PTPRT: variants seen among roughly 807,000 people sequenced by gnomAD.
PTPRT encodes the protein receptor-type tyrosine-protein phosphatase T.
In PTPRT, 56 loss-of-function variants were observed where a neutral mutation model predicts 176.8. The observed-to-expected ratio is 0.32, with a 90% CI of 0.26 to 0.40. The LOEUF is 0.40. Ranked by LOEUF, PTPRT falls within the 10% of genes least tolerant of loss-of-function variation. The pLI is 1.00. For synonymous variants in PTPRT, 783 were observed against 739.0 expected (o/e 1.06, Z -0.96); for missense variants, 1,540 against 1,908.2 (o/e 0.81, Z 3.60).
At chr20:43,162,662 C>A (rs561795565) in intron 1 of PTPRT, among the ~76,000 whole-genome samples, 40 of 150,414 alleles carry the variant, frequency 2.7e-4, no homozygotes, top group African/African-American at 9.2e-4. Flanking sequence ...AGGAGTCAAG[C>A]TTCCAGGATC....
intron 6 of PTPRT, among the ~76,000 whole-genome samples, chr20:42,748,976 C>G (rs1216040280): frequency 1.3e-5 from 2 of 152,162 alleles, no homozygotes; most frequent in African/African-American, 2.4e-5. Context: ...ACCTTGCACT[C>G]GGAACTCCTG....
At chr20:42,525,157 A>G (rs565033084) in intron 7 of PTPRT, among the ~76,000 whole-genome samples, 1 of 151,876 alleles carries the variant, frequency 6.6e-6, no homozygotes, top group East Asian at 1.9e-4. Flanking sequence ...TAATTTTTTA[A>G]TTTTTATTTT....
intron 2 of PTPRT, among the ~76,000 whole-genome samples, chr20:42,830,602 TAA>T (rs2078067889): frequency 2.0e-5 from 3 of 152,058 alleles, no homozygotes; most frequent in Admixed American, 2.0e-4. Flanking sequence ...GCCAAAGCAA[TAA>T]GCCAAGAGGA....
At chr20:42,531,599 T>C (rs1216237980) in intron 7 of PTPRT, among the ~76,000 whole-genome samples, 4 of 152,202 alleles carry the variant, frequency 2.6e-5, no homozygotes, top group Non-Finnish European at 4.4e-5. Context: ...TTTTGGGGTA[T>C]AGCCAACCTT....
chr20:42,891,793 T>C (rs2079197172), intron 1 of PTPRT, among the ~76,000 whole-genome samples: 1 of 152,238 alleles, frequency 6.6e-6, no homozygotes, highest in South Asian at 2.1e-4. Flanking sequence ...ATTTGAACTA[T>C]GTAGGTGTAT....
chr20:43,045,627 C>CTA (rs1555822908), intron 1 of PTPRT, among the ~76,000 whole-genome samples: 5 of 121,546 alleles, frequency 4.1e-5, no homozygotes, highest in African/African-American at 2.2e-4. Flanking sequence ...GCTAATTTTT[C>CTA]TATTTTTTTT....
intron 1 of PTPRT, among the ~76,000 whole-genome samples, chr20:43,056,237 A>G (rs1341298658): frequency 2.0e-5 from 3 of 152,202 alleles, no homozygotes; most frequent in Non-Finnish European, 4.4e-5. Context: ...CTTTCATGGC[A>G]CAGTGCTGGC....
intron 12 of PTPRT, among the ~76,000 whole-genome samples, chr20:42,301,450 C>A (rs2057466351): frequency 6.6e-6 from 1 of 152,062 alleles, no homozygotes. Flanking sequence ...CAACATGTGA[C>A]CCTGGACCAG....
At chr20:42,409,967 GA>G (rs913970003) in intron 9 of PTPRT, among the ~76,000 whole-genome samples, 4 of 151,766 alleles carry the variant, frequency 2.6e-5, no homozygotes, top group Non-Finnish European at 5.9e-5. Context: ...AAACCACTTG[GA>G]AAAAAAGGAA....
At chr20:42,583,345 T>C in intron 7 of PTPRT, among the ~76,000 whole-genome samples, 1 of 152,174 alleles carries the variant, frequency 6.6e-6, no homozygotes, top group Non-Finnish European at 1.5e-5. Flanking sequence ...GCCTCACTGT[T>C]CTTCATTAAC....
chr20:42,496,391 C>T (rs1179633972), intron 7 of PTPRT, among the ~76,000 whole-genome samples: 1 of 152,182 alleles, frequency 6.6e-6, no homozygotes, highest in African/African-American at 2.4e-5. Flanking sequence ...GCCTGTTTCA[C>T]AGAAGTTTCC....
chr20:42,523,139 C>T (rs1228706941), intron 7 of PTPRT, among the ~76,000 whole-genome samples: 1 of 152,156 alleles, frequency 6.6e-6, no homozygotes, highest in Admixed American at 6.5e-5. Context: ...ATTGCAAGAT[C>T]CTTCACAGTT....
chr20:42,299,639 G>GC (rs1208237522), intron 12 of PTPRT, among the ~76,000 whole-genome samples: 1 of 65,036 alleles, frequency 1.5e-5, no homozygotes, highest in Non-Finnish European at 3.1e-5. Context: ...ATGAACTTTT[G>GC]CCTTTTTTTT....
At chr20:42,686,781 C>A (rs1600607527) in intron 6 of PTPRT, among the ~76,000 whole-genome samples, 1 of 152,158 alleles carries the variant, frequency 6.6e-6, no homozygotes, top group Non-Finnish European at 1.5e-5. Context: ...CGTGAGCCAC[C>A]CTGCTCAGCC....
At chr20:42,782,030 T>G (rs1435462151) in intron 3 of PTPRT, among the ~76,000 whole-genome samples, 1 of 152,198 alleles carries the variant, frequency 6.6e-6, no homozygotes, top group East Asian at 1.9e-4. Flanking sequence ...CTTAGAACAA[T>G]GTATGGCACA....
chr20:42,643,081 C>T (rs554126864), intron 7 of PTPRT, among the ~76,000 whole-genome samples: 1 of 152,292 alleles, frequency 6.6e-6, no homozygotes, highest in South Asian at 2.1e-4. Context: ...CACCTGAGAC[C>T]ATCTAGTTCC....
intron 12 of PTPRT, among the ~76,000 whole-genome samples, chr20:42,287,815 ATCAC>A (rs2057256139): frequency 6.6e-6 from 1 of 151,970 alleles, no homozygotes; most frequent in Non-Finnish European, 1.5e-5. Context: ...GTCTCAAAAC[ATCAC>A]TATGTATCCC....
chr20:42,489,920 G>A (rs113788325), intron 7 of PTPRT, among the ~76,000 whole-genome samples: 99 of 152,266 alleles, frequency 6.5e-4, no homozygotes, highest in African/African-American at 2.4e-3. Flanking sequence ...CCATTACCCT[G>A]GGAGTAGGTA....
chr20:42,564,963 T>A (rs1193292090), intron 7 of PTPRT, among the ~76,000 whole-genome samples: 1 of 151,962 alleles, frequency 6.6e-6, no homozygotes, highest in Non-Finnish European at 1.5e-5. Flanking sequence ...CCGGAACCAA[T>A]CTCCTGAGGA....
Sources: allele counts gnomAD v4.1 joint callset (sites outside exome capture counted in the v4.1 genomes callset), GRCh38; gene constraint gnomAD v4.1.1; transcripts MANE v1.5; gene names NCBI Gene and HGNC (gene_info 2026-07-23, HGNC 2026-07-21).